CPLX1: variants seen among roughly 807,000 people sequenced by gnomAD.
CPLX1 encodes complexin-1.
In CPLX1, 6 loss-of-function variants were observed where a neutral mutation model predicts 15.6. That is an observed-to-expected ratio of 0.39 (90% CI 0.21 to 0.76). The LOEUF is 0.76. CPLX1 is among the 30% of genes least tolerant of loss of function. The pLI, the probability that CPLX1 is intolerant of heterozygous loss-of-function variation, is 0.43. For synonymous variants in CPLX1, 91 were observed against 75.2 expected (o/e 1.21, Z -1.08); for missense variants, 242 against 188.6 (o/e 1.28, Z -1.66).
Position 826,079 on chromosome 4 carries a change from C to G in CPLX1, c.-113G>C, listed in dbSNP as rs1455344891. The G allele has an allele frequency of 3.5e-5, 5 of 144,678 alleles. No individual in the cohort carries two copies. Among genetic ancestry groups the G allele is most frequent in the Non-Finnish European group, 7.6e-5 (5 of 65,732 alleles). The allele number at this position is 144,678 out of a possible 1,614,324, so 9.0% of individuals were successfully genotyped here. On this transcript the variant is annotated 5_prime_UTR_variant, in exon 1 of 4. Transcript: ENST00000304062. ...GGCGCGGGCGGTCAGCGGCGGGGCG[C>G]GCTCGGGCCGGCTGGGTCCATGTGG...
chr4:796,395 C>T (rs1363053475), intron 2 of CPLX1, among the ~76,000 whole-genome samples: 1 of 152,206 alleles, frequency 6.6e-6, no homozygotes, highest in Non-Finnish European at 1.5e-5. Context: ...ACGCAATTCC[C>T]TTGCCTCCGC....
intron 2 of CPLX1, among the ~76,000 whole-genome samples, chr4:795,805 T>TGG (rs113411399): frequency 1.1e-3 from 106 of 93,442 alleles, no homozygotes; most frequent in East Asian, 2.5e-3. Flanking sequence ...GGAGAGGGGG[T>TGG]GGGGGGGGGG....
chr4:796,614 T>C (rs1746346580), intron 2 of CPLX1, among the ~76,000 whole-genome samples: 1 of 152,202 alleles, frequency 6.6e-6, no homozygotes, highest in African/African-American at 2.4e-5. Flanking sequence ...GAAAAATGCT[T>C]TTTAACTTGA....
At chr4:788,151 G>T in intron 3 of CPLX1, 2 of 985,364 alleles carry the variant, frequency 2.0e-6, no homozygotes, top group South Asian at 4.7e-5. Flanking sequence ...GCCATCTCCT[G>T]CTCCTGTCTC....
At chr4:798,641 C>T (rs573606838) in intron 2 of CPLX1, among the ~76,000 whole-genome samples, 142 of 152,356 alleles carry the variant, frequency 9.3e-4, no homozygotes, top group Non-Finnish European at 1.7e-3. Context: ...AAGTGATTTG[C>T]CTGCCTCAGC....
intron 2 of CPLX1, among the ~76,000 whole-genome samples, chr4:798,306 G>C (rs1746384659): frequency 1.3e-5 from 2 of 149,764 alleles, no homozygotes; most frequent in Non-Finnish European, 3.0e-5. Context: ...CAGACATCTA[G>C]ATCAATGGAA....
intron 2 of CPLX1, among the ~76,000 whole-genome samples, chr4:806,134 T>C (rs766013173): frequency 6.6e-6 from 1 of 152,164 alleles, no homozygotes; most frequent in Non-Finnish European, 1.5e-5. Context: ...AAGAGAAGCA[T>C]ATACCTGACT....
In CPLX1 at chr4:786,518, C is replaced by T. The variant is rs1247503944; in HGVS notation, c.388G>A (p.Asp130Asn). The T allele has an allele frequency of 6.3e-7, 1 of 1,595,708 alleles. No individual in the cohort carries two copies. The stretch of plus-strand genomic sequence containing the variant: ...GCGCGCGGCTACTTCTTGAGCATGT[C>T]CTGCAGCGGCCCGGGCAGGTACTTG... ...VIKYLPGPLQDMLKK is the reference protein window; with the variant it reads ...VIKYLPGPLQNMLKK Residue 130 changes from aspartate to asparagine, a missense_variant, in exon 4 of 4, where the codon GAC becomes AAC. Coordinates refer to ENST00000304062, the MANE Select transcript of CPLX1 (RefSeq NM_006651.4).
At chr4:796,124 G>A (rs1235459883) in intron 2 of CPLX1, among the ~76,000 whole-genome samples, 1 of 152,140 alleles carries the variant, frequency 6.6e-6, no homozygotes, top group Non-Finnish European at 1.5e-5. Context: ...CAATGACAAT[G>A]GCTGCATTCA....
In CPLX1 at chr4:806,136, T is replaced by C. The variant is rs74434767; in HGVS notation, c.32-13528A>G. Among the ~76,000 whole-genome samples, 646 of 152,310 alleles carry C rather than the reference T, an allele frequency of 4.2e-3. 4 individuals are homozygous for C. The highest frequency in any genetic ancestry group is 7.1e-3 in the Non-Finnish European group (480 of 68,026). On this transcript the variant is annotated intron_variant, in intron 2 of 3. Transcript: ENST00000304062. ...TTTTACCACAAAAAAGAGAAGCATA[T>C]ACCTGACTTCAAACTATACTACAAG...
chr4:792,873 G>A (rs943857561), intron 2 of CPLX1, among the ~76,000 whole-genome samples: 7 of 152,162 alleles, frequency 4.6e-5, no homozygotes, highest in African/African-American at 1.7e-4. Flanking sequence ...TGGGGGGAGG[G>A]AGAGTGGCGC....
At position 785,747 on chromosome 4, in the gene CPLX1, G is replaced by C. The variant is rs116320846; in HGVS notation, c.*754C>G. 6,342 of 152,468 alleles carry C rather than the reference G, an allele frequency of 0.042. 195 individuals are homozygous for C. The highest frequency in any genetic ancestry group is 0.097 in the South Asian group (471 of 4,832). The allele number at this position is 152,468 out of a possible 1,614,324, so 9.4% of individuals were successfully genotyped here. On this transcript the variant is annotated 3_prime_UTR_variant, in exon 4 of 4. Coordinates refer to ENST00000304062, the MANE Select transcript of CPLX1 (RefSeq NM_006651.4). ...AGGGTGCAGTGTTCAATGGCCGAGGGCAGGGGTCCTCCCCAGGGAGAAGCA... is the reference window on the plus strand; with the variant it reads ...AGGGTGCAGTGTTCAATGGCCGAGGCCAGGGGTCCTCCCCAGGGAGAAGCA...
At chr4:794,321 G>A (rs1279867535) in intron 2 of CPLX1, among the ~76,000 whole-genome samples, 2 of 152,268 alleles carry the variant, frequency 1.3e-5, no homozygotes, top group African/African-American at 2.4e-5. Context: ...AGTGGGGTGT[G>A]GGGAGAACGA....
intron 2 of CPLX1, among the ~76,000 whole-genome samples, chr4:794,569 C>T (rs925130184): frequency 2.0e-5 from 3 of 152,218 alleles, no homozygotes; most frequent in Non-Finnish European, 4.4e-5. Flanking sequence ...ACCAAAATCT[C>T]TCTGCCTCCA....
At chr4:819,490 A>C (rs1378300730) in intron 2 of CPLX1, among the ~76,000 whole-genome samples, 1 of 152,226 alleles carries the variant, frequency 6.6e-6, no homozygotes, top group Non-Finnish European at 1.5e-5. Flanking sequence ...GTTCTGAACA[A>C]ATGTTGGCAT....
intron 2 of CPLX1, among the ~76,000 whole-genome samples, chr4:794,046 G>T (rs534727066): frequency 1.3e-5 from 2 of 152,218 alleles, no homozygotes; most frequent in African/African-American, 4.8e-5. Context: ...CGTGCTATAC[G>T]GAGCCTGGGG....
At chr4:822,367 C>T (rs1261406338) in intron 2 of CPLX1, among the ~76,000 whole-genome samples, 3 of 151,660 alleles carry the variant, frequency 2.0e-5, no homozygotes, top group Non-Finnish European at 2.9e-5. Flanking sequence ...GTCTCTGTCT[C>T]CCTCTGTCTC....
At chr4:803,765 G>A (rs1038448560) in intron 2 of CPLX1, among the ~76,000 whole-genome samples, 3 of 152,110 alleles carry the variant, frequency 2.0e-5, no homozygotes, top group Non-Finnish European at 2.9e-5. Context: ...CCACTCCTGG[G>A]TTCAAGCCAT....
chr4:810,094 G>A (rs1334844293), intron 2 of CPLX1, among the ~76,000 whole-genome samples: 1 of 142,878 alleles, frequency 7.0e-6, no homozygotes, highest in East Asian at 2.0e-4. Context: ...TCGTTGCCCA[G>A]GCTGGAGTGC....
Sources: allele counts gnomAD v4.1 joint callset (sites outside exome capture counted in the v4.1 genomes callset), GRCh38; gene constraint gnomAD v4.1.1; transcripts MANE v1.5; gene names NCBI Gene and HGNC (gene_info 2026-07-23, HGNC 2026-07-21).